The following NALCN variants were observed in gnomAD, a reference collection of about 807,000 sequenced individuals.
The protein encoded by NALCN is sodium leak channel NALCN.
Under a neutral mutation model 225.3 loss-of-function variants are expected in NALCN, and 111 were observed. The observed-to-expected ratio is 0.49, with a 90% CI of 0.42 to 0.58. The LOEUF is 0.58. NALCN is among the 20% of genes least tolerant of loss of function. NALCN has a pLI of 0.00. For synonymous variants in NALCN, 764 were observed against 769.0 expected (o/e 0.99, Z 0.11); for missense variants, 1,378 against 2,202.4 (o/e 0.63, Z 7.49).
At chr13:101,381,751 T>C (rs2046854681) in intron 3 of NALCN, among the ~76,000 whole-genome samples, 1 of 152,144 alleles carries the variant, frequency 6.6e-6, no homozygotes, top group Non-Finnish European at 1.5e-5. Context: ...ATATAAAATA[T>C]TCATTATGTT....
At chr13:101,269,463 G>A (rs987483155) in intron 10 of NALCN, among the ~76,000 whole-genome samples, 10 of 152,070 alleles carry the variant, frequency 6.6e-5, no homozygotes. Flanking sequence ...TAGTTAACTG[G>A]ACCATGAGCC....
At chr13:101,184,652 T>C (rs1208752414) in intron 14 of NALCN, among the ~76,000 whole-genome samples, 1 of 152,240 alleles carries the variant, frequency 6.6e-6, no homozygotes, top group Non-Finnish European at 1.5e-5. Context: ...TCCAACATAA[T>C]GTAGTTCTCA....
At chr13:101,144,320 G>A (rs2037235713) in intron 16 of NALCN, among the ~76,000 whole-genome samples, 1 of 152,186 alleles carries the variant, frequency 6.6e-6, no homozygotes, top group African/African-American at 2.4e-5. Flanking sequence ...CATAAACACT[G>A]TAGTAGTACA....
At chr13:101,248,912 A>G (rs2041979711) in intron 11 of NALCN, among the ~76,000 whole-genome samples, 1 of 152,096 alleles carries the variant, frequency 6.6e-6, no homozygotes, top group African/African-American at 2.4e-5. Flanking sequence ...GATATGTCAT[A>G]TGATATGTCA....
chr13:101,350,666 G>C (rs554663051), intron 6 of NALCN, among the ~76,000 whole-genome samples: 2 of 152,258 alleles, frequency 1.3e-5, no homozygotes, highest in East Asian at 3.9e-4. Context: ...GTGCCTGGCT[G>C]TTTGGTTGAA....
intron 6 of NALCN, among the ~76,000 whole-genome samples, chr13:101,373,515 C>G (rs1213238013): frequency 6.6e-6 from 1 of 152,144 alleles, no homozygotes; most frequent in Non-Finnish European, 1.5e-5. Context: ...AAAAGTCAAT[C>G]ATGTAATTCA....
chr13:101,079,639 A>G (rs539182523), intron 34 of NALCN, among the ~76,000 whole-genome samples: 4 of 152,306 alleles, frequency 2.6e-5, no homozygotes, highest in Admixed American at 6.5e-5. Context: ...ATTGATGACT[A>G]TCTATCTACT....
chr13:101,278,620 T>C (rs572546323), intron 10 of NALCN, among the ~76,000 whole-genome samples: 1 of 152,108 alleles, frequency 6.6e-6, no homozygotes, highest in East Asian at 1.9e-4. Context: ...ATTTATCTTA[T>C]ATGCTTACAA....
At chr13:101,107,654 G>A (rs1357012045) in intron 21 of NALCN, 44 bp downstream of exon 21, 3 of 1,613,788 alleles carry the variant, frequency 1.9e-6, no homozygotes, top group African/African-American at 1.3e-5. Context: ...GGGAAATTTT[G>A]CCATTCCCGA....
At chr13:101,060,469 T>TC (rs2139400819) in intron 41 of NALCN, among the ~76,000 whole-genome samples, 1 of 142,540 alleles carries the variant, frequency 7.0e-6, no homozygotes, top group Non-Finnish European at 1.5e-5. Flanking sequence ...TTTTTTTTTT[T>TC]TTTCAGAGAG....
intron 30 of NALCN, among the ~76,000 whole-genome samples, chr13:101,084,270 G>C (rs1397064770): frequency 6.6e-6 from 1 of 152,152 alleles, no homozygotes; most frequent in Non-Finnish European, 1.5e-5. Flanking sequence ...AAGTCATAGA[G>C]TTTGCATTTT....
intron 3 of NALCN, among the ~76,000 whole-genome samples, chr13:101,385,511 T>C (rs2046963261): frequency 1.3e-5 from 2 of 152,138 alleles, no homozygotes; most frequent in Non-Finnish European, 2.9e-5. Context: ...CTGCAAAAAA[T>C]GTTTGCCCCA....
Position 101,275,010 on chromosome 13 carries a change from C to G in NALCN, c.1134+8923G>C, listed in dbSNP as rs967232018. On this transcript the variant is annotated intron_variant, in intron 10 of 43. Transcript: ENST00000251127. The stretch of plus-strand genomic sequence containing the variant: ...GAGGATTAAAAAGGGCGGTTTCAAA[C>G]GACTTTGGGTTTGCTCTGCAGGGAA... 2.8e-4 allele frequency among the ~76,000 whole-genome samples: 42 copies of G among 152,132 alleles called. 1 individual carries two copies. Among genetic ancestry groups the G allele is most frequent in the Non-Finnish European group, 5.9e-5 (4 of 68,026 alleles).
At chr13:101,088,638 C>T (rs1391308226) in intron 30 of NALCN, among the ~76,000 whole-genome samples, 1 of 152,174 alleles carries the variant, frequency 6.6e-6, no homozygotes, top group Non-Finnish European at 1.5e-5. Context: ...TGCTCAAAAA[C>T]TGCATGCACT....
rs1258522527 is a variant in NALCN, at chr13:101,283,967, T to G, written c.1100A>C (p.Asn367Thr). The G allele has an allele frequency of 1.2e-6, 2 of 1,613,654 alleles. No homozygotes were observed. Among genetic ancestry groups the G allele is most frequent in the African/African-American group, 2.7e-5 (2 of 74,916 alleles). The change falls in exon 10 of 44, where the codon AAC becomes ACC. Residue 367 changes from asparagine (N) to threonine (T), a missense_variant. Coordinates refer to ENST00000251127, the MANE Select transcript of NALCN (RefSeq NM_052867.4). ...GGWQLVAVDV[N>T]KPQGRAPACL... Reference sequence around the variant, plus strand: ...GGCTGGGGCGCGTCCCTGGGGCTTGTTGACATCCACAGCTACCAGCTGCCA... The same window carrying G: ...GGCTGGGGCGCGTCCCTGGGGCTTGGTGACATCCACAGCTACCAGCTGCCA...
At chr13:101,300,367 T>TTTCCTTCCTTCCTTCCTTCCTTCCTTCC (rs71121182) in intron 7 of NALCN, among the ~76,000 whole-genome samples, 4 of 101,654 alleles carry the variant, frequency 3.9e-5, no homozygotes, top group African/African-American at 1.7e-4. Context: ...TCTTTCTTTC[T>TTTCCTTCCTTCCTTCCTTCCTTCCTTCC]TTCCTTCCTT....
chr13:101,365,909 G>A (rs1169595471), intron 6 of NALCN, among the ~76,000 whole-genome samples: 1 of 152,018 alleles, frequency 6.6e-6, no homozygotes, highest in Non-Finnish European at 1.5e-5. Context: ...TTACCTTAAA[G>A]TTTTTCTAAT....
chr13:101,242,922 G>A (rs2041796137), intron 11 of NALCN, among the ~76,000 whole-genome samples: 1 of 104,652 alleles, frequency 9.6e-6, no homozygotes, highest in Non-Finnish European at 2.1e-5. Flanking sequence ...GTCATCCATT[G>A]CACAATACAT....
intron 7 of NALCN, among the ~76,000 whole-genome samples, chr13:101,303,620 G>A (rs762222754): frequency 1.4e-4 from 22 of 152,074 alleles, no homozygotes; most frequent in African/African-American, 2.7e-4. Context: ...GGTCATTCAC[G>A]GAATATGGTT....
Sources: gnomAD v4.1 joint callset for allele counts (sites outside exome capture counted in the v4.1 genomes callset) on GRCh38, gnomAD v4.1.1 for gene constraint, MANE v1.5 for transcripts, NCBI Gene and HGNC (gene_info 2026-07-23, HGNC 2026-07-21) for gene names.